Variants in MEI4 observed in about 807,000 individuals in gnomAD.
The protein encoded by MEI4 is meiosis-specific protein MEI4.
Under a neutral mutation model 31.4 loss-of-function variants are expected in MEI4, and 27 were observed. The observed-to-expected ratio is 0.86, with a 90% CI of 0.63 to 1.19. The LOEUF is 1.19. MEI4 is among the 50% of genes most tolerant of loss of function. MEI4 has a pLI of 0.00. For synonymous variants in MEI4, 122 were observed against 145.4 expected, an observed-to-expected ratio of 0.84 and a Z score of 1.16; for missense variants, 329 against 398.9, an observed-to-expected ratio of 0.82 and a Z score of 1.49.
At position 77,698,960 on chromosome 6, in the gene MEI4, T is replaced by C. The variant is rs542372434; in HGVS notation, c.232+8057T>C. 4.6e-3 allele frequency among the ~76,000 whole-genome samples: 696 copies of C among 152,172 alleles called. 3 individuals carry two copies. Among genetic ancestry groups the C allele is most frequent in the African/African-American group, 0.016 (666 of 41,530 alleles). ...AGTCCCATATTTCTTGGAGGCTTTG[T>C]TCGTTTCTTTTTATTCTTTTTTCTC... On this transcript the variant is annotated intron_variant, in intron 2 of 4. Coordinates refer to ENST00000684080, the MANE Select transcript of MEI4 (RefSeq NM_001322247.2).
intron 4 of MEI4, among the ~76,000 whole-genome samples, chr6:77,836,850 G>T (rs1234747759): frequency 6.6e-6 from 1 of 152,026 alleles, no homozygotes; most frequent in Non-Finnish European, 1.5e-5. Flanking sequence ...GCATCAAACT[G>T]TGCTCAAGTA....
chr6:77,789,130 A>G (rs1408676773), intron 3 of MEI4, among the ~76,000 whole-genome samples: 3 of 152,184 alleles, frequency 2.0e-5, no homozygotes, highest in African/African-American at 7.2e-5. Flanking sequence ...CCTTTGACAA[A>G]CCTGACAAAA....
At chr6:77,679,872 C>T (rs1768919927) in intron 1 of MEI4, among the ~76,000 whole-genome samples, 1 of 151,204 alleles carries the variant, frequency 6.6e-6, no homozygotes, top group African/African-American at 2.4e-5. Context: ...TCCCGAGTAG[C>T]TGGGATTACA....
chr6:77,922,818 A>AGATT (rs1766736216), intron 4 of MEI4, among the ~76,000 whole-genome samples: 1 of 151,766 alleles, frequency 6.6e-6, no homozygotes, highest in African/African-American at 2.4e-5. Context: ...AAGTATTCTC[A>AGATT]GATTCATTTG....
chr6:77,660,608 A>C (rs958906974), intron 1 of MEI4, among the ~76,000 whole-genome samples: 2 of 152,048 alleles, frequency 1.3e-5, no homozygotes, highest in Non-Finnish European at 2.9e-5. Flanking sequence ...CCTGTCGCAA[A>C]AGTAGGGTAA....
rs150937154 is a variant in MEI4, at chr6:77,907,148, T to A, written c.901-15941T>A. Among the ~76,000 whole-genome samples the A allele has an allele frequency of 8.4e-3, 1,276 of 152,238 alleles. 20 individuals are homozygous for A. The highest frequency in any genetic ancestry group is 0.029 in the African/African-American group (1,194 of 41,538). On this transcript the variant is annotated intron_variant, in intron 4 of 4. Coordinates refer to ENST00000684080, the MANE Select transcript of MEI4 (RefSeq NM_001322247.2). ...ATATTGAATTACTAGCCATTTTTTT[T>A]AAATATACTTTGAGTTTTAGGGTAC...
chr6:77,674,390 G>A (rs1361149573), intron 1 of MEI4, among the ~76,000 whole-genome samples: 1 of 152,162 alleles, frequency 6.6e-6, no homozygotes, highest in East Asian at 1.9e-4. Flanking sequence ...TCAGTAAACA[G>A]TGGTCTGCAT....
chr6:77,881,317 C>A (rs1771483945), intron 4 of MEI4, among the ~76,000 whole-genome samples: 1 of 152,140 alleles, frequency 6.6e-6, no homozygotes, highest in African/African-American at 2.4e-5. Context: ...AACTACAGAA[C>A]CCTTTTTTCA....
Position 77,694,110 on chromosome 6 carries a change from T to A in MEI4, c.232+3207T>A, listed in dbSNP as rs192757532. Among the ~76,000 whole-genome samples the A allele has an allele frequency of 2.6e-5, 4 of 152,054 alleles. No homozygotes were observed. In the East Asian group the frequency reaches 7.7e-4, roughly 29 times the overall value. On this transcript the variant is annotated intron_variant, in intron 2 of 4. Transcript: ENST00000684080. Reference sequence around the variant, plus strand: ...TCTTTCTTTTTTTTAAATGTGAATATCAGATAAACAATGAGTAAGGTTTTA... The same window carrying A: ...TCTTTCTTTTTTTTAAATGTGAATAACAGATAAACAATGAGTAAGGTTTTA...
At chr6:77,827,148 T>C (rs746109081) in intron 3 of MEI4, among the ~76,000 whole-genome samples, 30 of 151,820 alleles carry the variant, frequency 2.0e-4, no homozygotes, top group South Asian at 6.2e-4. Context: ...ATCACGAGGT[T>C]AGGAGATCAA....
Position 77,923,415 on chromosome 6 carries a change from A to G in MEI4, c.*69A>G. 1 of 1,111,320 alleles carries G rather than the reference A, an allele frequency of 9.0e-7. No individual in the cohort carries two copies. The allele number at this position is 1,111,320 out of a possible 1,614,324, so 68.8% of individuals were successfully genotyped here. ...AGAATATATGAAAATCTCATACTGA[A>G]AAGATTTTCAATAGTATTTTAATTA... is the stretch of plus-strand genomic sequence containing the variant. On this transcript the variant is annotated 3_prime_UTR_variant, in exon 5 of 5. Coordinates refer to ENST00000684080, the MANE Select transcript of MEI4 (RefSeq NM_001322247.2).
intron 4 of MEI4, among the ~76,000 whole-genome samples, chr6:77,851,817 G>T (rs900302020): frequency 3.9e-5 from 6 of 151,946 alleles, no homozygotes; most frequent in African/African-American, 1.4e-4. Context: ...TGAAAGGGGA[G>T]ATCGTGATAG....
chr6:77,904,114 A>C (rs1230876366), intron 4 of MEI4, among the ~76,000 whole-genome samples: 2 of 151,492 alleles, frequency 1.3e-5, no homozygotes, highest in African/African-American at 4.8e-5. Flanking sequence ...TATTTTGTAC[A>C]TTTTTTTCCT....
intron 2 of MEI4, among the ~76,000 whole-genome samples, chr6:77,695,621 A>G (rs1015238924): frequency 6.6e-6 from 1 of 152,124 alleles, no homozygotes; most frequent in African/African-American, 2.4e-5. Context: ...CCATTGATCT[A>G]TATCTCTGTT....
intron 2 of MEI4, among the ~76,000 whole-genome samples, chr6:77,706,632 T>C (rs1766338927): frequency 6.6e-6 from 1 of 152,138 alleles, no homozygotes; most frequent in Admixed American, 6.5e-5. Flanking sequence ...ATGTTGGAGG[T>C]GGGCCTAGTG....
chr6:77,800,849 A>G (rs967589761), intron 3 of MEI4, among the ~76,000 whole-genome samples: 3 of 152,124 alleles, frequency 2.0e-5, no homozygotes, highest in African/African-American at 4.8e-5. Context: ...AGCCCACTTG[A>G]TCATAGTGGA....
chr6:77,845,490 A>G (rs1405441488), intron 4 of MEI4, among the ~76,000 whole-genome samples: 3 of 152,156 alleles, frequency 2.0e-5, no homozygotes, highest in African/African-American at 2.4e-5. Context: ...TTCTACATTC[A>G]GTTATTTAAT....
chr6:77,849,466 C>T (rs1770563566), intron 4 of MEI4, among the ~76,000 whole-genome samples: 1 of 152,144 alleles, frequency 6.6e-6, no homozygotes, highest in Admixed American at 6.6e-5. Context: ...TTTCTGTTCG[C>T]TCTGAGCAAA....
In MEI4 at chr6:77,791,244, C is replaced by T. The variant is rs183339120; in HGVS notation, c.768+29579C>T. ...GACACATGCACACGTATGTTTATTGCGGCATTATTCACGATAGCAAAGACT... is the reference window on the plus strand; with the variant it reads ...GACACATGCACACGTATGTTTATTGTGGCATTATTCACGATAGCAAAGACT... On this transcript the variant is annotated intron_variant, in intron 3 of 4. Transcript: ENST00000684080. 3.4e-4 allele frequency among the ~76,000 whole-genome samples: 52 copies of T among 152,156 alleles called. No homozygotes were observed. The South Asian group carries it at 4.1e-3, about 12-fold the overall frequency.
Sources: allele counts gnomAD v4.1 joint callset (sites outside exome capture counted in the v4.1 genomes callset), GRCh38; gene constraint gnomAD v4.1.1; transcripts MANE v1.5; gene names NCBI Gene and HGNC (gene_info 2026-07-23, HGNC 2026-07-21).